Variants in ANKRD27 observed in about 807,000 individuals in gnomAD.
ANKRD27 encodes the protein ankyrin repeat domain-containing protein 27.
ANKRD27 carries 112 observed loss-of-function variants against 129.7 expected under a neutral mutation model. The ratio of observed to expected loss-of-function variants is 0.86; its 90% CI spans 0.74 to 1.01. ANKRD27 has a LOEUF of 1.01. ANKRD27 is among the 50% of genes least tolerant of loss of function. The pLI, the probability that ANKRD27 is intolerant of heterozygous loss-of-function variation, is 0.00. For missense variants in ANKRD27, 1,258 were observed against 1,300.5 expected (o/e 0.97, Z 0.50); for synonymous variants, 516 against 511.2 (o/e 1.01, Z -0.13).
chr19:32,603,132 A>G (rs1335202489), intron 25 of ANKRD27, among the ~76,000 whole-genome samples: 2 of 152,054 alleles, frequency 1.3e-5, no homozygotes, highest in South Asian at 4.1e-4. Context: ...ACCCGTCTCT[A>G]CAAAAAATAC....
intron 22 of ANKRD27, among the ~76,000 whole-genome samples, chr19:32,610,266 C>A (rs62124266): frequency 6.6e-6 from 1 of 151,722 alleles, no homozygotes; most frequent in Admixed American, 6.6e-5. Flanking sequence ...GCCGAGATGG[C>A]GCCACTGCAC....
Position 32,606,939 on chromosome 19 carries a change from C to CAAA in ANKRD27, c.2373+693_2373+695dup, listed in dbSNP as rs532062312. On this transcript the variant is annotated intron_variant, in intron 23 of 28. Coordinates refer to ENST00000306065, the MANE Select transcript of ANKRD27 (RefSeq NM_032139.3). ...ACAACATGGTGAAACCCCATCTCCA[C>CAAA]AAAAAAAAAAAAAAAAAAAAAAAAA... Among the ~76,000 whole-genome samples the CAAA allele has an allele frequency of 4.0e-3, 260 of 65,628 alleles. 4 individuals carry two copies. The highest frequency in any genetic ancestry group is 5.3e-3 in the East Asian group (9 of 1,706). The allele number at this position is 65,628 out of a possible 152,430, so 43.1% of individuals were successfully genotyped here.
At position 32,619,391 on chromosome 19, in the gene ANKRD27, G is replaced by T; in HGVS notation, c.1888-12C>A. Reference sequence around the variant, plus strand: ...GACTGCACAGGGGCCTGCAGCCAAGGAGCCCCAACGAGAGAGAGGACAGGA... The same window carrying T: ...GACTGCACAGGGGCCTGCAGCCAAGTAGCCCCAACGAGAGAGAGGACAGGA... On this transcript the variant is annotated splice_polypyrimidine_tract_variant and intron_variant, in intron 19 of 28. Coordinates refer to ENST00000306065, the MANE Select transcript of ANKRD27 (RefSeq NM_032139.3). The T allele has an allele frequency of 6.2e-7, 1 of 1,613,656 alleles. No individual in the cohort carries two copies. Among genetic ancestry groups the T allele is most frequent in the Non-Finnish European group, 8.5e-7 (1 of 1,179,974 alleles).
chr19:32,609,383 A>G (rs1457093174), intron 22 of ANKRD27, among the ~76,000 whole-genome samples: 1 of 152,180 alleles, frequency 6.6e-6, no homozygotes, highest in Admixed American at 6.5e-5. Flanking sequence ...AATGTTCACA[A>G]TGGCTTTATT....
At chr19:32,651,778 G>A (rs1391069294) in intron 2 of ANKRD27, among the ~76,000 whole-genome samples, 3 of 152,116 alleles carry the variant, frequency 2.0e-5, no homozygotes, top group Non-Finnish European at 2.9e-5. Context: ...CATAATGCAC[G>A]TCTGGCCCCA....
intron 3 of ANKRD27, among the ~76,000 whole-genome samples, chr19:32,648,486 C>T (rs965308973): frequency 2.6e-5 from 4 of 152,200 alleles, no homozygotes; most frequent in Admixed American, 2.0e-4. Flanking sequence ...GGCTAAAGGG[C>T]ACAGTGCCTG....
chr19:32,607,562 C>T (rs1303385558), intron 23 of ANKRD27, 73 bp downstream of exon 23: 1 of 1,531,132 alleles, frequency 6.5e-7, no homozygotes, highest in South Asian at 1.2e-5. Flanking sequence ...ACCCCTGCAG[C>T]GTTCCTACCA....
intron 9 of ANKRD27, among the ~76,000 whole-genome samples, chr19:32,642,715 C>T (rs940778476): frequency 1.3e-5 from 2 of 152,094 alleles, no homozygotes; most frequent in Admixed American, 6.6e-5. Flanking sequence ...CCAGCCTGGG[C>T]GACAGAGTGA....
intron 5 of ANKRD27, 53 bp from the exon 6 acceptor site, chr19:32,643,684 G>C: frequency 6.3e-7 from 1 of 1,587,762 alleles, no homozygotes; most frequent in Non-Finnish European, 8.6e-7. Flanking sequence ...AGGCCATGAC[G>C]GGGGAGCCGG....
chr19:32,638,896 C>A (rs1260870436), intron 12 of ANKRD27: 1 of 207,978 alleles, frequency 4.8e-6, no homozygotes, highest in African/African-American at 2.3e-5. Context: ...AGGCCAGTAG[C>A]ACAAGCCGAG....
chr19:32,617,538 C>A (rs771845939), intron 21 of ANKRD27, 51 bp downstream of exon 21: 2 of 725,120 alleles, frequency 2.8e-6, no homozygotes, highest in Non-Finnish European at 5.1e-6. Context: ...CAGAACAAGA[C>A]CCTGTCTCTA....
At chr19:32,629,469 G>A (rs1178117727) in intron 13 of ANKRD27, among the ~76,000 whole-genome samples, 1 of 152,138 alleles carries the variant, frequency 6.6e-6, no homozygotes, top group Non-Finnish European at 1.5e-5. Context: ...GGAGGCCAAG[G>A]CAGGTGGCTC....
chr19:32,667,380 T>A (rs1048229215), intron 1 of ANKRD27, among the ~76,000 whole-genome samples: 3 of 152,244 alleles, frequency 2.0e-5, no homozygotes, highest in Admixed American at 6.5e-5. Flanking sequence ...TCTGTTTTAT[T>A]TTTGTTTACT....
chr19:32,645,963 A>G (rs1967295258), intron 4 of ANKRD27, among the ~76,000 whole-genome samples: 1 of 150,944 alleles, frequency 6.6e-6, no homozygotes, highest in African/African-American at 2.4e-5. Flanking sequence ...ACAGAGTCTC[A>G]CTCTGTCACC....
At chr19:32,630,260 T>G (rs1397603689) in intron 13 of ANKRD27, among the ~76,000 whole-genome samples, 1 of 152,216 alleles carries the variant, frequency 6.6e-6, no homozygotes, top group Non-Finnish European at 1.5e-5. Context: ...GGACCCACTC[T>G]GGCTCCAGGT....
chr19:32,631,664 G>A (rs773867301), intron 12 of ANKRD27, among the ~76,000 whole-genome samples, 170 bp from the exon 13 acceptor site: 2 of 152,186 alleles, frequency 1.3e-5, no homozygotes, highest in Non-Finnish European at 2.9e-5. Context: ...GTCAGGTGGG[G>A]AGAAGGCTTC....
chr19:32,644,017 C>T (rs1967253588), intron 5 of ANKRD27, among the ~76,000 whole-genome samples: 4 of 151,658 alleles, frequency 2.6e-5, no homozygotes, highest in South Asian at 2.1e-4. Context: ...TGGGAATACA[C>T]GTGCATGCCA....
rs1568421777 is a variant in ANKRD27 at position 32,665,902 on chromosome 19, C to T, written c.-30-6857G>A. The stretch of plus-strand genomic sequence containing the variant: ...TCGGCCTCCCAAGTAGCTCAGACTA[C>T]AGACTACACGCCACAACACCAGCTA... On this transcript the variant is annotated intron_variant, in intron 1 of 28. Coordinates refer to ENST00000306065, the MANE Select transcript of ANKRD27 (RefSeq NM_032139.3). Among the ~76,000 whole-genome samples the T allele has an allele frequency of 4.0e-5, 6 of 149,418 alleles. No homozygotes were observed. In the South Asian group the frequency reaches 1.3e-3, roughly 31 times the overall value.
intron 24 of ANKRD27, among the ~76,000 whole-genome samples, chr19:32,605,067 C>T (rs373971437): frequency 3.9e-5 from 6 of 151,948 alleles, no homozygotes; most frequent in South Asian, 2.1e-4. Context: ...GACTCCATCT[C>T]GGAAAAAGAG....
Sources: allele counts gnomAD v4.1 joint callset (sites outside exome capture counted in the v4.1 genomes callset), GRCh38; gene constraint gnomAD v4.1.1; transcripts MANE v1.5; gene names NCBI Gene and HGNC (gene_info 2026-07-23, HGNC 2026-07-21).